The following NAALADL2 variants were observed in gnomAD, a reference collection of about 807,000 sequenced individuals.
NAALADL2 encodes the protein inactive N-acetylated-alpha-linked acidic dipeptidase-like protein 2.
Under a neutral mutation model 87.2 loss-of-function variants are expected in NAALADL2, and 76 were observed. The ratio of observed to expected loss-of-function variants is 0.87; its 90% CI spans 0.72 to 1.05. The LOEUF is 1.05. Ranked by LOEUF, NAALADL2 falls within the 50% of genes least tolerant of loss-of-function variation. The probability of loss-of-function intolerance (pLI) is 0.00; values close to 1 mark genes in which losing one functional copy is unlikely to be tolerated. For synonymous variants in NAALADL2, 354 were observed against 331.0 expected, an observed-to-expected ratio of 1.07 and a Z score of -0.75; for missense variants, 1,089 against 945.8, an observed-to-expected ratio of 1.15 and a Z score of -1.99.
At chr3:174,974,970 TTG>T (rs1177711377) in intron 1 of NAALADL2, among the ~76,000 whole-genome samples, 1 of 152,204 alleles carries the variant, frequency 6.6e-6, no homozygotes. Flanking sequence ...TTTTGCTAAT[TTG>T]GGGAATTACA....
intron 1 of NAALADL2, among the ~76,000 whole-genome samples, chr3:174,508,532 C>T (rs1297648020): frequency 1.3e-5 from 2 of 152,192 alleles, no homozygotes; most frequent in Non-Finnish European, 2.9e-5. Context: ...ATTTTAATTT[C>T]GATTTTGTTG....
chr3:175,094,207 T>G (rs1447695672), intron 1 of NAALADL2, among the ~76,000 whole-genome samples: 2 of 151,902 alleles, frequency 1.3e-5, no homozygotes, highest in Non-Finnish European at 2.9e-5. Flanking sequence ...AAAAAATGTC[T>G]GAGTAAATTA....
intron 11 of NAALADL2, among the ~76,000 whole-genome samples, chr3:175,728,824 C>T (rs1434164956): frequency 6.6e-6 from 1 of 152,156 alleles, no homozygotes; most frequent in East Asian, 1.9e-4. Context: ...TTTTCTGACC[C>T]TATGCCCCAC....
At chr3:174,968,620 C>T (rs1743192846) in intron 1 of NAALADL2, among the ~76,000 whole-genome samples, 1 of 152,022 alleles carries the variant, frequency 6.6e-6, no homozygotes, top group Admixed American at 6.6e-5. Flanking sequence ...GCTGGGATTA[C>T]AGGTGCACGC....
chr3:175,119,771 A>C (rs1213412908), intron 2 of NAALADL2, among the ~76,000 whole-genome samples: 1 of 140,786 alleles, frequency 7.1e-6, no homozygotes, highest in East Asian at 2.0e-4. Context: ...AACTATATAT[A>C]GATATATATA....
intron 3 of NAALADL2, among the ~76,000 whole-genome samples, chr3:174,753,682 C>T (rs1008532184): frequency 2.0e-4 from 30 of 152,096 alleles, no homozygotes. Flanking sequence ...AAGCTTAGAG[C>T]TTAGTACGCC....
At chr3:174,653,489 T>G (rs1282934851) in intron 2 of NAALADL2, among the ~76,000 whole-genome samples, 1 of 152,112 alleles carries the variant, frequency 6.6e-6, no homozygotes, top group African/African-American at 2.4e-5. Flanking sequence ...TACAATTTAG[T>G]AGGAGAGAAA....
intron 1 of NAALADL2, among the ~76,000 whole-genome samples, chr3:175,063,462 A>C (rs1021137332): frequency 7.3e-5 from 11 of 151,398 alleles, no homozygotes; most frequent in Non-Finnish European, 1.2e-4. Context: ...AAATATATAT[A>C]AACAGCCTGT....
intron 2 of NAALADL2, among the ~76,000 whole-genome samples, chr3:175,150,844 G>T (rs908829957): frequency 2.0e-5 from 3 of 152,168 alleles, no homozygotes; most frequent in African/African-American, 4.8e-5. Flanking sequence ...ATACGCAGTA[G>T]TGAATGAAAT....
intron 4 of NAALADL2, among the ~76,000 whole-genome samples, chr3:175,310,850 A>T (rs995515848): frequency 6.6e-6 from 1 of 152,122 alleles, no homozygotes; most frequent in African/African-American, 2.4e-5. Flanking sequence ...ATGATTTAAT[A>T]TCAAACATAT....
chr3:174,911,821 A>G (rs1042302123), intron 1 of NAALADL2, among the ~76,000 whole-genome samples: 2 of 152,094 alleles, frequency 1.3e-5, no homozygotes, highest in African/African-American at 4.8e-5. Flanking sequence ...TTTACGATGT[A>G]GCCTCAAGTA....
intron 9 of NAALADL2, among the ~76,000 whole-genome samples, chr3:175,523,646 G>A (rs1357756056): frequency 6.6e-6 from 1 of 152,214 alleles, no homozygotes; most frequent in Non-Finnish European, 1.5e-5. Flanking sequence ...GGAGGGAAAG[G>A]GGTTCTTACC....
chr3:175,641,788 C>A (rs1016379922), intron 11 of NAALADL2, among the ~76,000 whole-genome samples: 1 of 152,154 alleles, frequency 6.6e-6, no homozygotes, highest in East Asian at 1.9e-4. Flanking sequence ...TTAAAAATTA[C>A]AAATTAAGTA....
intron 1 of NAALADL2, among the ~76,000 whole-genome samples, chr3:174,987,555 C>T (rs1220906934): frequency 2.0e-5 from 2 of 97,650 alleles, no homozygotes; most frequent in African/African-American, 9.4e-5. Flanking sequence ...GGCGACAGAG[C>T]GAGACTCCGT....
intron 9 of NAALADL2, among the ~76,000 whole-genome samples, chr3:175,538,362 A>G (rs1194560121): frequency 6.6e-6 from 1 of 151,990 alleles, no homozygotes; most frequent in African/African-American, 2.4e-5. Flanking sequence ...TCCTTAAGTA[A>G]AGTGCACATT....
At chr3:175,507,644 G>T (rs1036212364) in intron 9 of NAALADL2, among the ~76,000 whole-genome samples, 19 of 152,042 alleles carry the variant, frequency 1.2e-4, no homozygotes, top group Non-Finnish European at 2.5e-4. Context: ...GGCTGGTCTT[G>T]AACTCCTGAC....
At position 175,718,139 on chromosome 3, in the gene NAALADL2, A is replaced by G. The variant is rs1484404595; in HGVS notation, c.1897-19167A>G. ...ACAAGACGTATCTAGAAAATTTACT[A>G]CTGTGGAAAATGAAGACTGATTAAA... is the stretch of plus-strand genomic sequence containing the variant. On this transcript the variant is annotated intron_variant, in intron 11 of 13. Coordinates refer to ENST00000454872, the MANE Select transcript of NAALADL2 (RefSeq NM_207015.3). 6 of 1,072,382 alleles carry G rather than the reference A, an allele frequency of 5.6e-6. No homozygotes were observed. In the South Asian group the frequency reaches 6.9e-5, roughly 12 times the overall value. The allele number at this position is 1,072,382 out of a possible 1,614,324, so 66.4% of individuals were successfully genotyped here.
chr3:175,383,477 A>G (rs1768016611), intron 5 of NAALADL2, among the ~76,000 whole-genome samples: 1 of 152,050 alleles, frequency 6.6e-6, no homozygotes, highest in African/African-American at 2.4e-5. Flanking sequence ...TATGCAATGC[A>G]TTATTATTAA....
intron 13 of NAALADL2, among the ~76,000 whole-genome samples, chr3:175,777,379 T>A (rs753488286): frequency 1.3e-5 from 2 of 152,050 alleles, no homozygotes; most frequent in Non-Finnish European, 2.9e-5. Flanking sequence ...GAAATAATAA[T>A]AGTACCTATG....
Sources: gnomAD v4.1 joint callset for allele counts (sites outside exome capture counted in the v4.1 genomes callset) on GRCh38, gnomAD v4.1.1 for gene constraint, MANE v1.5 for transcripts, NCBI Gene and HGNC (gene_info 2026-07-23, HGNC 2026-07-21) for gene names.